The following GADL1 variants were observed in gnomAD, a reference collection of about 807,000 sequenced individuals.
The protein encoded by GADL1 is acidic amino acid decarboxylase GADL1.
GADL1 carries 71 observed loss-of-function variants against 69.5 expected under a neutral mutation model. That is an observed-to-expected ratio of 1.02 (90% CI 0.84 to 1.25). The LOEUF is 1.25. Among genes scored for constraint, GADL1 ranks in the 50% most tolerant of loss-of-function variants. The probability of loss-of-function intolerance (pLI) is 0.00; values close to 1 mark genes in which losing one functional copy is unlikely to be tolerated. For missense variants in GADL1, 737 were observed against 631.8 expected (o/e 1.17, Z -1.79); for synonymous variants, 254 against 214.4 (o/e 1.18, Z -1.62).
At chr3:30,799,328 A>C (rs937247196) in intron 12 of GADL1, 1 of 152,218 alleles carries the variant, frequency 6.6e-6, no homozygotes, top group Non-Finnish European at 1.5e-5. Flanking sequence ...CACATGCTCA[A>C]CACCACATGG....
chr3:30,851,805 C>T (rs921797227), intron 4 of GADL1, among the ~76,000 whole-genome samples: 2 of 152,134 alleles, frequency 1.3e-5, no homozygotes, highest in African/African-American at 2.4e-5. Context: ...CTTGCATCCT[C>T]CTCCTCCTTC....
Position 30,885,206 on chromosome 3 carries a change from G to A in GADL1, c.37+9372C>T, listed in dbSNP as rs1698687330. Among the ~76,000 whole-genome samples the A allele has an allele frequency of 2.0e-5, 3 of 151,876 alleles. No homozygotes were observed. In the South Asian group the frequency reaches 6.2e-4, roughly 32 times the overall value. On this transcript the variant is annotated intron_variant, in intron 1 of 14. Transcript: ENST00000282538. ...ACATTATTAATCTTTTTCCAGAATT[G>A]CACTGTTCCTCCATTTTTTGCTTCT...
intron 14 of GADL1, among the ~76,000 whole-genome samples, chr3:30,767,368 C>T (rs1696306141): frequency 6.6e-6 from 1 of 152,066 alleles, no homozygotes; most frequent in Non-Finnish European, 1.5e-5. Context: ...ATTTGAGAAC[C>T]TATCGTAAAG....
At chr3:30,864,147 AT>A in intron 1 of GADL1, among the ~76,000 whole-genome samples, 1 of 151,944 alleles carries the variant, frequency 6.6e-6, no homozygotes, top group East Asian at 1.9e-4. Flanking sequence ...CTCCTCCCAA[AT>A]TTTTTAGGCC....
At chr3:30,851,802 C>A (rs180751569) in intron 4 of GADL1, among the ~76,000 whole-genome samples, 1 of 152,128 alleles carries the variant, frequency 6.6e-6, no homozygotes, top group East Asian at 1.9e-4. Flanking sequence ...TTTCTTGCAT[C>A]CTCCTCCTCC....
intron 1 of GADL1, among the ~76,000 whole-genome samples, chr3:30,875,007 G>A (rs1698557910): frequency 6.6e-6 from 1 of 151,948 alleles, no homozygotes; most frequent in Non-Finnish European, 1.5e-5. Flanking sequence ...CAGCCAGGAA[G>A]ATTGAGATGG....
intron 14 of GADL1, among the ~76,000 whole-genome samples, chr3:30,748,865 T>C (rs183847841): frequency 6.6e-6 from 1 of 152,336 alleles, no homozygotes; most frequent in Non-Finnish European, 1.5e-5. Context: ...ATTGAACTTC[T>C]CAACTCCACA....
In GADL1 at chr3:30,785,395, T is replaced by TTC. The variant is rs1553638920; in HGVS notation, c.1302+959_1302+960insGA. ...AGATTTCTTTTTCTTTTTTTTTTTT[T>TTC]CCCCCCGAGACAGAGTTTCACTCTT... On this transcript the variant is annotated intron_variant, in intron 13 of 14. Coordinates refer to ENST00000282538, the MANE Select transcript of GADL1 (RefSeq NM_207359.3). Among the ~76,000 whole-genome samples the TTC allele has an allele frequency of 6.1e-4, 92 of 149,758 alleles. 1 individual carries two copies. The East Asian group carries it at 8.2e-3, about 13-fold the overall frequency.
chr3:30,785,818 CATTAAAT>C (rs200395527), intron 13 of GADL1, among the ~76,000 whole-genome samples: 7,855 of 147,884 alleles, frequency 0.053, 511 homozygotes, highest in African/African-American at 0.17. Context: ...CAGAATTACA[CATTAAAT>C]ATTTATATTT....
At chr3:30,882,373 C>T (rs903495116) in intron 1 of GADL1, among the ~76,000 whole-genome samples, 11 of 151,838 alleles carry the variant, frequency 7.2e-5, no homozygotes, top group Admixed American at 4.6e-4. Flanking sequence ...AATCACCATC[C>T]TGTTTTCTGT....
chr3:30,883,347 A>G (rs1315379884), intron 1 of GADL1, among the ~76,000 whole-genome samples: 1 of 151,976 alleles, frequency 6.6e-6, no homozygotes, highest in Non-Finnish European at 1.5e-5. Context: ...AAAAGATCCA[A>G]TCTTATTCTT....
intron 12 of GADL1, 129 bp from the exon 13 acceptor site, chr3:30,786,535 G>A (rs1484919722): frequency 6.2e-6 from 4 of 643,468 alleles, no homozygotes; most frequent in African/African-American, 3.7e-5. Flanking sequence ...TCAAGGAACA[G>A]GCAGAGCTAT....
At chr3:30,894,289 G>A (rs545087077) in intron 1 of GADL1, among the ~76,000 whole-genome samples, 57 of 152,250 alleles carry the variant, frequency 3.7e-4, no homozygotes, top group African/African-American at 1.3e-3. Context: ...GGAAACATGC[G>A]GCAGTTCGCC....
chr3:30,733,601 C>CTTCCTTCT (rs1252295105), intron 14 of GADL1, among the ~76,000 whole-genome samples: 1 of 148,514 alleles, frequency 6.7e-6, no homozygotes, highest in Non-Finnish European at 1.5e-5. Flanking sequence ...TCCTTCCTTC[C>CTTCCTTCT]TTCCTTCCTT....
intron 12 of GADL1, among the ~76,000 whole-genome samples, chr3:30,786,776 G>A (rs1696799906): frequency 6.6e-6 from 1 of 152,102 alleles, no homozygotes; most frequent in South Asian, 2.1e-4. Flanking sequence ...TTGGAGGAAA[G>A]AGTTTTTTGT....
chr3:30,737,143 G>A (rs867356703), intron 14 of GADL1, among the ~76,000 whole-genome samples: 3 of 152,094 alleles, frequency 2.0e-5, no homozygotes, highest in East Asian at 3.8e-4. Context: ...AATTTCAGTC[G>A]AATAAGCCTA....
chr3:30,824,428 T>C (rs772197156), intron 11 of GADL1, among the ~76,000 whole-genome samples: 7 of 151,690 alleles, frequency 4.6e-5, no homozygotes, highest in Admixed American at 6.6e-5. Flanking sequence ...AATTCCTAAA[T>C]GTGGTCTTCA....
At position 30,850,062 on chromosome 3, in the gene GADL1, A is replaced by G; in HGVS notation, c.585T>C (p.Tyr195=). Reference sequence around the variant, plus strand: ...GCCCCTTTTCCTTAATATCAGGACAATATTTGTATCTAGCTAAATTCATTG... The same window carrying G: ...GCCCCTTTTCCTTAATATCAGGACAGTATTTGTATCTAGCTAAATTCATTG... The part of the protein sequence containing the change: ...MYAMNLARYK[Y]CPDIKEKGLS... The change falls in exon 6 of 15, where the codon TAT becomes TAC. Residue 195 remains tyrosine (Y), a synonymous_variant. Coordinates refer to ENST00000282538, the MANE Select transcript of GADL1 (RefSeq NM_207359.3). 6.2e-7 allele frequency: 1 copy of G among 1,612,134 alleles called. No individual in the cohort carries two copies. Among genetic ancestry groups the G allele is most frequent in the Non-Finnish European group, 8.5e-7 (1 of 1,178,528 alleles).
At chr3:30,828,478 G>GA in intron 11 of GADL1, among the ~76,000 whole-genome samples, 1 of 88,300 alleles carries the variant, frequency 1.1e-5, no homozygotes, top group South Asian at 3.5e-4. Flanking sequence ...AAAAATAAAA[G>GA]TGGGGGGGGT....
Sources: gnomAD v4.1 joint callset for allele counts (sites outside exome capture counted in the v4.1 genomes callset) on GRCh38, gnomAD v4.1.1 for gene constraint, MANE v1.5 for transcripts, NCBI Gene and HGNC (gene_info 2026-07-23, HGNC 2026-07-21) for gene names.